Variants in SPATA6 observed in about 807,000 individuals in gnomAD.
SPATA6 encodes the protein spermatogenesis-associated protein 6.
In SPATA6, 56 loss-of-function variants were observed where a neutral mutation model predicts 65.3. The observed-to-expected ratio is 0.86, with a 90% CI of 0.69 to 1.07. The LOEUF is 1.07. SPATA6 is among the 50% of genes least tolerant of loss of function. The pLI is 0.00. For missense variants in SPATA6, 590 were observed against 594.8 expected (o/e 0.99, Z 0.08); for synonymous variants, 199 against 213.2 (o/e 0.93, Z 0.58).
At chr1:48,464,767 T>A (rs1488607886) in intron 1 of SPATA6, among the ~76,000 whole-genome samples, 1 of 152,036 alleles carries the variant, frequency 6.6e-6, no homozygotes, top group Non-Finnish European at 1.5e-5. Flanking sequence ...GGAACAGGGG[T>A]AGGTGAAGTG....
rs1479262334 is a variant in SPATA6, at chr1:48,325,415, C to A, written c.1195-19537G>T. 4 of 1,352,698 alleles carry A rather than the reference C, an allele frequency of 3.0e-6. No individual in the cohort carries two copies. In the East Asian group the frequency reaches 6.9e-5, roughly 23 times the overall value. The allele number at this position is 1,352,698 out of a possible 1,614,324, so 83.8% of individuals were successfully genotyped here. ...GGCCCAAGGAGCCAGGGCCCTCCCC[C>A]AGCTTCTTCTTGACTGGGACCACTG... is the stretch of plus-strand genomic sequence containing the variant. On this transcript the variant is annotated intron_variant, in intron 11 of 12. Transcript: ENST00000371847.
chr1:48,444,062 T>C (rs575873030), intron 3 of SPATA6, among the ~76,000 whole-genome samples: 1 of 152,230 alleles, frequency 6.6e-6, no homozygotes, highest in South Asian at 2.1e-4. Context: ...CAATTCCCAA[T>C]AGGAGTTGGG....
downstream of SPATA6, among the ~76,000 whole-genome samples, chr1:48,294,648 C>T (rs1644788960): frequency 6.6e-6 from 1 of 152,172 alleles, no homozygotes; most frequent in East Asian, 1.9e-4. Context: ...TTTTAAACTC[C>T]ATCTCCACTC....
At chr1:48,267,674 C>G in the SPATA6 span, among the ~76,000 whole-genome samples, 1 of 151,816 alleles carries the variant, frequency 6.6e-6, no homozygotes, top group Admixed American at 6.6e-5. Context: ...CTCTTGATAT[C>G]CAGCCGCCTG....
downstream of SPATA6, among the ~76,000 whole-genome samples, chr1:48,294,070 T>C (rs1644785262): frequency 1.3e-5 from 2 of 152,230 alleles, no homozygotes; most frequent in South Asian, 4.1e-4. Context: ...TGTAGCTAGT[T>C]AGAAGGAGGA....
intron 3 of SPATA6, among the ~76,000 whole-genome samples, chr1:48,414,986 C>T (rs1652619865): frequency 2.0e-5 from 3 of 149,330 alleles, no homozygotes; most frequent in African/African-American, 4.9e-5. Flanking sequence ...CAGAAAGAGA[C>T]AGAAATTCTA....
intron 9 of SPATA6, among the ~76,000 whole-genome samples, chr1:48,381,596 TAGTTTAAGTA>T: frequency 6.7e-6 from 1 of 150,082 alleles, no homozygotes; most frequent in African/African-American, 2.4e-5. Flanking sequence ...AGAAAATAAA[TAGTTTAAGTA>T]AGTACATAAA....
At position 48,322,850 on chromosome 1, in the gene SPATA6, G is replaced by A. The variant is rs146317717; in HGVS notation, c.1195-16972C>T. On this transcript the variant is annotated intron_variant, in intron 11 of 12. Coordinates refer to ENST00000371847, the MANE Select transcript of SPATA6 (RefSeq NM_019073.4). ...CATCATCATTGGTCATTAGAGAAAT[G>A]CAAATCAAAACCACAATGAGATATC... Among the ~76,000 whole-genome samples the A allele has an allele frequency of 3.5e-3, 529 of 152,304 alleles. 3 individuals are homozygous for A. The highest frequency in any genetic ancestry group is 0.012 in the African/African-American group (505 of 41,548).
At chr1:48,443,140 T>C (rs535378182) in intron 3 of SPATA6, among the ~76,000 whole-genome samples, 1 of 152,348 alleles carries the variant, frequency 6.6e-6, no homozygotes, top group Non-Finnish European at 1.5e-5. Flanking sequence ...CAGCCAAACC[T>C]TAAAGTACTT....
At chr1:48,398,964 A>C (rs1035175230) in intron 7 of SPATA6, 1 of 156,702 alleles carries the variant, frequency 6.4e-6, no homozygotes, top group South Asian at 2.0e-4. Context: ...TAATTTTTAT[A>C]ATTTAAAAAA....
At chr1:48,277,054 T>C in the SPATA6 span, among the ~76,000 whole-genome samples, 1 of 149,266 alleles carries the variant, frequency 6.7e-6, no homozygotes, top group Non-Finnish European at 1.5e-5. Context: ...CTCTTCTTGT[T>C]GCATTGATCC....
rs371782754 is a variant in SPATA6 at position 48,399,444 on chromosome 1, T to G, written c.687A>C (p.Leu229=). ...CCAGCCGCCGCCTGGTGTCTTCAGA[T>G]AGCTCACACATGCGTCTTTTTGTGT... ...SPYTKRRMCE[L]SEDTRRRLAH... The change falls in exon 7 of 13, where the codon CTA becomes CTC. Residue 229 remains leucine (L), a synonymous_variant. Transcript: ENST00000371847. 3.1e-6 allele frequency: 5 copies of G among 1,613,220 alleles called. 1 individual carries two copies. The African/African-American group carries it at 6.7e-5, about 22-fold the overall frequency.
At chr1:48,345,350 T>C (rs1646334853) in intron 11 of SPATA6, among the ~76,000 whole-genome samples, 1 of 152,058 alleles carries the variant, frequency 6.6e-6, no homozygotes, top group Non-Finnish European at 1.5e-5. Context: ...GCAGTGTTAA[T>C]AGGTAAATTT....
intron 9 of SPATA6, among the ~76,000 whole-genome samples, chr1:48,361,766 G>T (rs1317122134): frequency 6.6e-6 from 1 of 152,024 alleles, no homozygotes; most frequent in African/African-American, 2.4e-5. Flanking sequence ...TACATTAGTT[G>T]CCCAATAAAT....
At chr1:48,275,961 C>T in the SPATA6 span, among the ~76,000 whole-genome samples, 1 of 151,650 alleles carries the variant, frequency 6.6e-6, no homozygotes, top group Non-Finnish European at 1.5e-5. Flanking sequence ...TCAGTCTGGT[C>T]CTGGGCTTTT....
the SPATA6 span, among the ~76,000 whole-genome samples, chr1:48,265,465 C>G: frequency 1.3e-5 from 2 of 151,326 alleles, no homozygotes; most frequent in African/African-American, 2.4e-5. Context: ...CACATGGAAT[C>G]TAGAGCCAAG....
chr1:48,414,243 C>T (rs1652550497), intron 3 of SPATA6, among the ~76,000 whole-genome samples: 1 of 152,182 alleles, frequency 6.6e-6, no homozygotes, highest in Admixed American at 6.5e-5. Context: ...ACTAGGTTCT[C>T]ACTATAAATA....
rs772862225 is a variant in SPATA6, at chr1:48,395,285, A to G, written c.850T>C (p.Trp284Arg). The G allele has an allele frequency of 1.3e-6, 2 of 1,566,824 alleles. No homozygotes were observed. The highest frequency in any genetic ancestry group is 2.4e-5 in the South Asian group (2 of 84,520). The change falls in exon 8 of 13, where the codon TGG (tryptophan) becomes CGG (arginine). Residue 284 changes from tryptophan to arginine, a missense_variant. By Grantham distance (101) the Trp-to-Arg change is moderately radical. Coordinates refer to ENST00000371847, the MANE Select transcript of SPATA6 (RefSeq NM_019073.4). ...SSGRDCERDG[W>R]SRVHNDHSHL... ...AGCTTACCATTGTGCACCCTTGACCATCCATCTCTTTCACAGTCTCTTCCA... is the reference window on the plus strand; with the variant it reads ...AGCTTACCATTGTGCACCCTTGACCGTCCATCTCTTTCACAGTCTCTTCCA...
chr1:48,402,385 C>T (rs534305467), intron 6 of SPATA6, among the ~76,000 whole-genome samples: 5 of 152,078 alleles, frequency 3.3e-5, no homozygotes, highest in African/African-American at 1.2e-4. Context: ...CATACTCCAG[C>T]GTGAAGAAAA....
Sources: gnomAD v4.1 joint callset for allele counts (sites outside exome capture counted in the v4.1 genomes callset) on GRCh38, gnomAD v4.1.1 for gene constraint, MANE v1.5 for transcripts, NCBI Gene and HGNC (gene_info 2026-07-23, HGNC 2026-07-21) for gene names.